The following EIF4G3 variants were observed in gnomAD, a reference collection of about 807,000 sequenced individuals.
EIF4G3 encodes the protein eukaryotic translation initiation factor 4 gamma 3.
In EIF4G3, 34 loss-of-function variants were observed where a neutral mutation model predicts 186.4. The ratio of observed to expected loss-of-function variants is 0.18; its 90% confidence interval spans 0.14 to 0.24. EIF4G3 has a LOEUF of 0.24. Among genes scored for constraint, EIF4G3 ranks in the 10% least tolerant of loss-of-function variants. EIF4G3 has a pLI of 1.00. For synonymous variants in EIF4G3, 673 were observed against 679.5 expected, an observed-to-expected ratio of 0.99 and a Z score of 0.15; for missense variants, 1,536 against 1,948.5, an observed-to-expected ratio of 0.79 and a Z score of 3.99.
chr1:21,168,766 TAAGC>T (rs776791967), intron 2 of EIF4G3, among the ~76,000 whole-genome samples: 3 of 151,560 alleles, frequency 2.0e-5, no homozygotes, highest in Non-Finnish European at 4.4e-5. Context: ...GGTAGCAAAT[TAAGC>T]AAGATACAAA....
chr1:20,834,421 G>C (rs2066162789), intron 30 of EIF4G3, among the ~76,000 whole-genome samples: 1 of 152,142 alleles, frequency 6.6e-6, no homozygotes, highest in Non-Finnish European at 1.5e-5. Context: ...CTGGGTGAGA[G>C]AGTGTGACTC....
chr1:21,160,273 T>C (rs1290299962), intron 2 of EIF4G3, among the ~76,000 whole-genome samples: 1 of 151,864 alleles, frequency 6.6e-6, no homozygotes, highest in Non-Finnish European at 1.5e-5. Flanking sequence ...CATAGTGATA[T>C]GAATAATAAA....
intron 18 of EIF4G3, among the ~76,000 whole-genome samples, chr1:20,889,540 A>G (rs1330732683): frequency 6.6e-6 from 1 of 152,224 alleles, no homozygotes; most frequent in Non-Finnish European, 1.5e-5. Flanking sequence ...TCTTTCGCCC[A>G]GGATGGAGTG....
intron 2 of EIF4G3, among the ~76,000 whole-genome samples, chr1:21,106,394 T>A (rs2096618845): frequency 6.6e-6 from 1 of 152,074 alleles, no homozygotes; most frequent in Non-Finnish European, 1.5e-5. Context: ...AGAAAAGGAC[T>A]AGTTTAGATA....
intron 4 of EIF4G3, among the ~76,000 whole-genome samples, chr1:21,027,075 C>T (rs2092226062): frequency 6.6e-6 from 1 of 151,876 alleles, no homozygotes; most frequent in Non-Finnish European, 1.5e-5. Flanking sequence ...ACACAAATGG[C>T]CAACAAGCCC....
At chr1:20,982,284 G>T in intron 8 of EIF4G3, 104 bp downstream of exon 8, 1 of 816,484 alleles carries the variant, frequency 1.2e-6, no homozygotes, top group South Asian at 1.9e-5. Flanking sequence ...TATACCAATA[G>T]TAAATTTCCA....
At chr1:21,135,979 C>G (rs1473813949) in intron 2 of EIF4G3, among the ~76,000 whole-genome samples, 1 of 150,886 alleles carries the variant, frequency 6.6e-6, no homozygotes, top group Admixed American at 6.6e-5. Context: ...GTCAGGAGAT[C>G]GAGACCATCC....
At chr1:20,894,329 T>C (rs1412125164) in intron 17 of EIF4G3, among the ~76,000 whole-genome samples, 1 of 152,214 alleles carries the variant, frequency 6.6e-6, no homozygotes, top group Non-Finnish European at 1.5e-5. Flanking sequence ...TTGGTGGATA[T>C]AACACTTGAC....
At chr1:21,035,965 G>A (rs978755632) in intron 4 of EIF4G3, among the ~76,000 whole-genome samples, 4 of 152,178 alleles carry the variant, frequency 2.6e-5, no homozygotes, top group African/African-American at 7.2e-5. Flanking sequence ...AGGAAGGAGA[G>A]ACATCAGGAT....
At position 21,003,156 on chromosome 1, in the gene EIF4G3, C is replaced by T. The variant is rs149545221; in HGVS notation, c.-66-348G>A. ...GGACTACCGGCACGCAGCACTGTGC[C>T]GGACTAATTTTTTTCTTTTTTTTTT... On this transcript the variant is annotated intron_variant, in intron 4 of 36. Coordinates refer to ENST00000602326, the MANE Select transcript of EIF4G3 (RefSeq NM_001391906.1). 5.4e-3 allele frequency among the ~76,000 whole-genome samples: 771 copies of T among 143,988 alleles called. 5 individuals carry two copies. The highest frequency in any genetic ancestry group is 0.014 in the Middle Eastern group (4 of 286). The allele number at this position is 143,988 out of a possible 152,430, so 94.5% of individuals were successfully genotyped here.
chr1:21,077,567 G>A (rs1010761426), intron 3 of EIF4G3, among the ~76,000 whole-genome samples: 3 of 150,328 alleles, frequency 2.0e-5, no homozygotes, highest in African/African-American at 7.4e-5. Flanking sequence ...AGTTAAAGTG[G>A]CTATTATTAA....
At chr1:21,097,397 C>G (rs1275560524) in intron 2 of EIF4G3, among the ~76,000 whole-genome samples, 1 of 152,198 alleles carries the variant, frequency 6.6e-6, no homozygotes, top group African/African-American at 2.4e-5. Flanking sequence ...GTATCTCAAA[C>G]TGTTGTTCAC....
At chr1:21,084,011 C>T (rs528620895) in intron 3 of EIF4G3, among the ~76,000 whole-genome samples, 2 of 152,214 alleles carry the variant, frequency 1.3e-5, no homozygotes, top group African/African-American at 2.4e-5. Flanking sequence ...CTTCTCCTTA[C>T]TCCCATTTCA....
At chr1:21,150,770 A>G (rs1171180784) in intron 2 of EIF4G3, among the ~76,000 whole-genome samples, 3 of 152,318 alleles carry the variant, frequency 2.0e-5, no homozygotes, top group Admixed American at 6.5e-5. Flanking sequence ...TGAGGTCGGG[A>G]GTTCGAGATC....
intron 34 of EIF4G3, among the ~76,000 whole-genome samples, chr1:20,816,137 G>A (rs1431024511): frequency 3.7e-5 from 5 of 133,756 alleles, no homozygotes; most frequent in Non-Finnish European, 6.6e-5. Context: ...CGCCCCGTCC[G>A]GGAGGTGAGG....
At chr1:20,880,478 C>T (rs760059274) in intron 19 of EIF4G3, among the ~76,000 whole-genome samples, 4 of 152,184 alleles carry the variant, frequency 2.6e-5, no homozygotes, top group Non-Finnish European at 5.9e-5. Context: ...AAAGGTCAGG[C>T]GTGGTGGCTC....
intron 19 of EIF4G3, among the ~76,000 whole-genome samples, chr1:20,880,741 ACT>A (rs1336765634): frequency 1.3e-5 from 2 of 152,120 alleles, no homozygotes; most frequent in East Asian, 3.9e-4. Context: ...ACAGAGTGAG[ACT>A]CTGTCTCAAA....
intron 3 of EIF4G3, among the ~76,000 whole-genome samples, chr1:21,069,585 G>C (rs2095378951): frequency 6.6e-6 from 1 of 152,146 alleles, no homozygotes. Flanking sequence ...CCAATGTTTA[G>C]TCCCCTGGAA....
At chr1:21,061,534 G>C (rs943588517) in intron 3 of EIF4G3, among the ~76,000 whole-genome samples, 1 of 152,054 alleles carries the variant, frequency 6.6e-6, no homozygotes, top group African/African-American at 2.4e-5. Flanking sequence ...TCTAGAGGTA[G>C]GTTCATTACC....
Sources: gnomAD v4.1 joint callset for allele counts (sites outside exome capture counted in the v4.1 genomes callset) on GRCh38, gnomAD v4.1.1 for gene constraint, MANE v1.5 for transcripts, NCBI Gene and HGNC (gene_info 2026-07-23, HGNC 2026-07-21) for gene names.